EDA: variants seen among roughly 807,000 people sequenced by gnomAD.
EDA encodes the protein ectodysplasin-A.
Under a neutral mutation model 23.6 loss-of-function variants are expected in EDA, and 2 were observed. The ratio of observed to expected loss-of-function variants is 0.08; its 90% confidence interval spans 0.03 to 0.27. EDA has a LOEUF of 0.27. Ranked by LOEUF, EDA falls within the 10% of genes least tolerant of loss-of-function variation. The probability of loss-of-function intolerance (pLI) is 1.00; values close to 1 mark genes in which losing one functional copy is unlikely to be tolerated. For synonymous variants in EDA, 131 were observed against 132.0 expected, an observed-to-expected ratio of 0.99 and a Z score of 0.05; for missense variants, 229 against 324.2, an observed-to-expected ratio of 0.71 and a Z score of 2.26.
chrX:69,679,984 T>A (rs959475332), intron 1 of EDA, among the ~76,000 whole-genome samples: 5 of 108,037 alleles, frequency 4.6e-5, no homozygotes, highest in African/African-American at 1.7e-4. Context: ...CTCTACACAC[T>A]GCTTTGAATG....
intron 1 of EDA, among the ~76,000 whole-genome samples, chrX:69,938,286 G>A (rs2018706604): frequency 9.0e-6 from 1 of 110,975 alleles, no homozygotes; most frequent in Non-Finnish European, 1.9e-5. Flanking sequence ...AAGTTAAAAT[G>A]GATAAAGGCC....
chrX:69,714,784 G>A (rs915436386), intron 1 of EDA, among the ~76,000 whole-genome samples: 10 of 111,057 alleles, frequency 9.0e-5, no homozygotes, highest in Non-Finnish European at 1.9e-4. Flanking sequence ...TTTTGATTAC[G>A]GTAGCTATAT....
chrX:69,665,732 T>C (rs1451379275), intron 1 of EDA, among the ~76,000 whole-genome samples: 1 of 111,656 alleles, frequency 9.0e-6, no homozygotes, highest in African/African-American at 3.2e-5. Context: ...AATTATATAA[T>C]ATAATCAGGA....
At chrX:69,622,796 A>G (rs757725747) in intron 1 of EDA, among the ~76,000 whole-genome samples, 162 of 111,497 alleles carry the variant, frequency 1.5e-3, no homozygotes, top group African/African-American at 5.2e-3. Flanking sequence ...ATATTCTCCC[A>G]TATTATCTTC....
intron 1 of EDA, among the ~76,000 whole-genome samples, chrX:69,703,443 A>G (rs2011593988): frequency 8.9e-6 from 1 of 111,892 alleles, no homozygotes; most frequent in African/African-American, 3.2e-5. Flanking sequence ...TCGGCACCAG[A>G]TGAAAGGTTC....
intron 1 of EDA, among the ~76,000 whole-genome samples, chrX:69,621,827 A>T (rs778345533): frequency 9.0e-6 from 1 of 111,036 alleles, no homozygotes; most frequent in South Asian, 3.8e-4. Flanking sequence ...TGCAGCCATA[A>T]CCTCCCAGGA....
intron 1 of EDA, among the ~76,000 whole-genome samples, chrX:69,807,923 G>T (rs375453307): frequency 1.8e-5 from 2 of 111,698 alleles, no homozygotes; most frequent in African/African-American, 6.5e-5. Flanking sequence ...AAATTACTTA[G>T]TATCTCTGAA....
chrX:70,035,970 G>A lies in EDA; in HGVS notation c.*361G>A. 4.0e-6 allele frequency: 1 copy of A among 251,719 alleles called. No individual in the cohort carries two copies. The highest frequency in any genetic ancestry group is 7.1e-6 in the Non-Finnish European group (1 of 141,613). The allele number at this position is 251,719 out of a possible 1,213,427, so 20.7% of individuals were successfully genotyped here. Reference sequence around the variant, plus strand: ...GCAGCAGGCCAGAGAAAGCAAAGGTGCACTCCAGACTCTGGGGGTGGACAT... The same window carrying A: ...GCAGCAGGCCAGAGAAAGCAAAGGTACACTCCAGACTCTGGGGGTGGACAT... On this transcript the variant is annotated 3_prime_UTR_variant, in exon 8 of 8. Coordinates refer to ENST00000374552, the MANE Select transcript of EDA (RefSeq NM_001399.5).
At chrX:69,999,059 C>G (rs1435061586) in intron 2 of EDA, among the ~76,000 whole-genome samples, 1 of 111,653 alleles carries the variant, frequency 9.0e-6, no homozygotes, top group Non-Finnish European at 1.9e-5. Flanking sequence ...TGTCTTTCAT[C>G]CTTCCCACCT....
At chrX:69,815,713 GC>G (rs1415514077) in intron 1 of EDA, among the ~76,000 whole-genome samples, 1 of 112,344 alleles carries the variant, frequency 8.9e-6, no homozygotes, top group Non-Finnish European at 1.9e-5. Flanking sequence ...GGGCATAGGG[GC>G]GGCTGCCACC....
intron 1 of EDA, among the ~76,000 whole-genome samples, chrX:69,761,086 G>A (rs1405502122): frequency 9.1e-6 from 1 of 110,472 alleles, no homozygotes; most frequent in Non-Finnish European, 1.9e-5. Flanking sequence ...TAAGAGTCTG[G>A]GCAACAAGGA....
chrX:69,770,231 C>T (rs1285218307), intron 1 of EDA, among the ~76,000 whole-genome samples: 1 of 111,627 alleles, frequency 9.0e-6, no homozygotes, highest in Non-Finnish European at 1.9e-5. Flanking sequence ...TATAAGTTTC[C>T]ATTTCCCGGG....
chrX:69,809,795 T>G (rs2015900729), intron 1 of EDA, among the ~76,000 whole-genome samples: 1 of 111,313 alleles, frequency 9.0e-6, no homozygotes, highest in Non-Finnish European at 1.9e-5. Context: ...TGCATCTTGG[T>G]AGATGTTAAA....
At chrX:69,798,979 A>G (rs991459101) in intron 1 of EDA, among the ~76,000 whole-genome samples, 15 of 111,557 alleles carry the variant, frequency 1.3e-4, no homozygotes, top group African/African-American at 4.6e-4. Context: ...CCAAAACAAC[A>G]TGGTACTGGC....
intron 1 of EDA, among the ~76,000 whole-genome samples, chrX:69,852,206 C>T (rs56186553): frequency 0.3 from 33,219 of 110,393 alleles, 4,698 homozygotes; most frequent in Middle Eastern, 0.55. Context: ...CTCAGCTCAC[C>T]GCAACCTCCG....
At chrX:69,915,498 G>A (rs1352293493) in intron 1 of EDA, among the ~76,000 whole-genome samples, 1 of 109,415 alleles carries the variant, frequency 9.1e-6, no homozygotes, top group African/African-American at 3.3e-5. Flanking sequence ...AGCTACTCGG[G>A]AGGCTGAGGC....
At chrX:69,963,681 G>A (rs999824592) in intron 2 of EDA, among the ~76,000 whole-genome samples, 10 of 111,435 alleles carry the variant, frequency 9.0e-5, no homozygotes, top group Non-Finnish European at 1.5e-4. Flanking sequence ...ATCTCAACAG[G>A]CCATCACCAC....
chrX:69,814,335 A>G (rs746404614), intron 1 of EDA, among the ~76,000 whole-genome samples: 2 of 113,034 alleles, frequency 1.8e-5, no homozygotes, highest in South Asian at 3.6e-4. Context: ...TTAAAAAGCC[A>G]TGGAAGAAAT....
chrX:69,660,894 A>G (rs1206397586), intron 1 of EDA, among the ~76,000 whole-genome samples: 2 of 111,338 alleles, frequency 1.8e-5, no homozygotes, highest in Non-Finnish European at 3.8e-5. Flanking sequence ...TGGTATTTCT[A>G]GTTCTAGATC....
Sources: gnomAD v4.1 joint callset for allele counts (sites outside exome capture counted in the v4.1 genomes callset) on GRCh38, gnomAD v4.1.1 for gene constraint, MANE v1.5 for transcripts, NCBI Gene and HGNC (gene_info 2026-07-23, HGNC 2026-07-21) for gene names.